The following VAV2 variants were observed in gnomAD, a reference collection of about 807,000 sequenced individuals.
VAV2 encodes the protein vav guanine nucleotide exchange factor 2, also known as guanine nucleotide exchange factor VAV2.
Under a neutral mutation model 132.5 loss-of-function variants are expected in VAV2, and 67 were observed. That is an observed-to-expected ratio of 0.51 (90% confidence interval 0.42 to 0.62). The LOEUF (loss-of-function observed/expected upper bound fraction) is 0.62, where lower values mean the gene tolerates loss of function less well. Among genes scored for constraint, VAV2 ranks in the 20% least tolerant of loss-of-function variants. VAV2 has a pLI of 0.00. For synonymous variants in VAV2, 492 were observed against 443.5 expected, an observed-to-expected ratio of 1.11 and a Z score of -1.37; for missense variants, 938 against 1,153.6, an observed-to-expected ratio of 0.81 and a Z score of 2.71.
intron 1 of VAV2, among the ~76,000 whole-genome samples, chr9:133,942,655 A>T (rs1360769965): frequency 6.6e-6 from 1 of 152,252 alleles, no homozygotes; most frequent in African/African-American, 2.4e-5. Context: ...CACAGATCCC[A>T]ACCATAATCA....
At chr9:133,871,287 G>C (rs1838027974) in intron 2 of VAV2, among the ~76,000 whole-genome samples, 1 of 150,774 alleles carries the variant, frequency 6.6e-6, no homozygotes, top group Non-Finnish European at 1.5e-5. Flanking sequence ...TGGGTGGGTG[G>C]ATGGATAAGT....
At chr9:133,796,819 G>A (rs926463219) in intron 10 of VAV2, among the ~76,000 whole-genome samples, 12 of 152,248 alleles carry the variant, frequency 7.9e-5, no homozygotes, top group Admixed American at 2.0e-4. Context: ...CTGTCTGGAT[G>A]TGGCCTTGAC....
At chr9:133,920,544 C>G (rs10993860) in intron 2 of VAV2, among the ~76,000 whole-genome samples, 25,720 of 152,168 alleles carry the variant, frequency 0.17, 5,371 homozygotes, top group African/African-American at 0.5. Flanking sequence ...ACTGAGGTCC[C>G]TGAGGCCACA....
At chr9:133,963,321 G>A (rs1456047169) in intron 1 of VAV2, among the ~76,000 whole-genome samples, 6 of 152,128 alleles carry the variant, frequency 3.9e-5, no homozygotes, top group South Asian at 2.1e-4. Context: ...CCCAGGAAAC[G>A]CCACTGACCA....
At chr9:133,990,039 A>G (rs1842968383) in intron 1 of VAV2, among the ~76,000 whole-genome samples, 2 of 152,206 alleles carry the variant, frequency 1.3e-5, no homozygotes. Flanking sequence ...TCCTCACAGC[A>G]TGGCTACGAG....
At chr9:133,880,718 T>C (rs1838456723) in intron 2 of VAV2, among the ~76,000 whole-genome samples, 1 of 152,240 alleles carries the variant, frequency 6.6e-6, no homozygotes, top group African/African-American at 2.4e-5. Context: ...AAGCACCAAC[T>C]ACTGTGAGGT....
Position 133,769,503 on chromosome 9 carries a change from G to A in VAV2, c.2348C>T (p.Ala783Val). The change falls in exon 28 of 30, where the codon GCT becomes GTT. Residue 783 changes from alanine (A) to valine (V), a missense_variant and splice_region_variant. Ala to Val is a moderately conservative substitution (Grantham distance 64). Transcript: ENST00000371850. The surrounding 1 kb of genome is among the most constrained non-coding windows in gnomAD (Gnocchi z 8.1). The stretch of plus-strand genomic sequence containing the variant: ...AGAAAAGTTGTAGGAAGCACAGGAA[G>A]CTGCAAAGAGGCGAGAGAGAACGTG... ...SASRASSRSP[A>V]SCASYNFSFL... 6.2e-7 allele frequency: 1 copy of A among 1,611,298 alleles called. No homozygotes were observed.
intron 5 of VAV2, among the ~76,000 whole-genome samples, chr9:133,811,170 C>T (rs1014586708): frequency 2.0e-5 from 3 of 152,192 alleles, no homozygotes; most frequent in Non-Finnish European, 4.4e-5. Flanking sequence ...GGGAACAAAA[C>T]TCAGTCGAGA....
At position 133,788,129 on chromosome 9, in the gene VAV2, G is replaced by C. The variant is rs1834303758; in HGVS notation, c.1407+225C>G. Among the ~76,000 whole-genome samples the C allele has an allele frequency of 6.6e-6, 1 of 152,202 alleles. No homozygotes were observed. Among genetic ancestry groups the C allele is most frequent in the African/African-American group, 2.4e-5 (1 of 41,454 alleles). ...CTGGTCTTGCCCACCTTTCTGGGGG[G>C]CGCTGGGCCCGGCGAGGAGCAGGCC... is the stretch of plus-strand genomic sequence containing the variant. On this transcript the variant is annotated intron_variant, in intron 15 of 29. Coordinates refer to ENST00000371850, the MANE Select transcript of VAV2 (RefSeq NM_001134398.2). The surrounding 1 kb of genome is among the most constrained non-coding windows in gnomAD (Gnocchi z 5.3).
intron 2 of VAV2, among the ~76,000 whole-genome samples, chr9:133,903,469 C>G (rs1334200105): frequency 6.6e-6 from 1 of 152,170 alleles, no homozygotes; most frequent in Non-Finnish European, 1.5e-5. Flanking sequence ...GGGGCTGAAA[C>G]AACAATCCCG....
chr9:133,984,078 T>C (rs1446684481), intron 1 of VAV2, among the ~76,000 whole-genome samples: 1 of 152,066 alleles, frequency 6.6e-6, no homozygotes, highest in East Asian at 1.9e-4. Context: ...TTCAAGCCAT[T>C]CTCCTGCCTC....
intron 1 of VAV2, among the ~76,000 whole-genome samples, chr9:133,976,535 ATTTAT>A (rs1842517703): frequency 6.6e-6 from 1 of 152,188 alleles, no homozygotes; most frequent in African/African-American, 2.4e-5. Flanking sequence ...GGGAGAGGCT[ATTTAT>A]TTTAATTGTG....
intron 2 of VAV2, among the ~76,000 whole-genome samples, chr9:133,892,716 T>A (rs934037499): frequency 7.9e-5 from 12 of 151,848 alleles, no homozygotes; most frequent in African/African-American, 2.4e-4. Context: ...CAGGGCAGGC[T>A]GAGCTGCAGG....
intron 1 of VAV2, among the ~76,000 whole-genome samples, chr9:133,957,690 C>A (rs1841829942): frequency 6.6e-6 from 1 of 152,038 alleles, no homozygotes; most frequent in African/African-American, 2.4e-5. Context: ...CCCACCTCAG[C>A]CGGGACACCC....
At chr9:133,906,780 G>A (rs1305321156) in intron 2 of VAV2, among the ~76,000 whole-genome samples, 1 of 152,154 alleles carries the variant, frequency 6.6e-6, no homozygotes, top group African/African-American at 2.4e-5. Context: ...GGGGCAGCGG[G>A]GTCCCTGCGG....
intron 2 of VAV2, among the ~76,000 whole-genome samples, chr9:133,905,153 G>A (rs1839594798): frequency 6.6e-6 from 1 of 152,200 alleles, no homozygotes; most frequent in Admixed American, 6.5e-5. Flanking sequence ...GCTCAGCCGG[G>A]CGCGGTGGCT....
intron 3 of VAV2, among the ~76,000 whole-genome samples, chr9:133,856,873 C>T (rs538099859): frequency 1.3e-5 from 2 of 152,284 alleles, no homozygotes; most frequent in South Asian, 4.1e-4. Flanking sequence ...TTTACATCTG[C>T]GAAAACCCTT....
At chr9:133,896,185 TG>T (rs1839195242) in intron 2 of VAV2, among the ~76,000 whole-genome samples, 1 of 152,242 alleles carries the variant, frequency 6.6e-6, no homozygotes, top group African/African-American at 2.4e-5. Flanking sequence ...TCGGGCGCAG[TG>T]GCTTACGCCT....
At chr9:133,894,257 C>A (rs1021989967) in intron 2 of VAV2, among the ~76,000 whole-genome samples, 1 of 152,260 alleles carries the variant, frequency 6.6e-6, no homozygotes, top group Non-Finnish European at 1.5e-5. Context: ...AGCCGGGGCC[C>A]GGCCTGGCCA....
Sources: allele counts gnomAD v4.1 joint callset (sites outside exome capture counted in the v4.1 genomes callset), GRCh38; gene constraint gnomAD v4.1.1; non-coding constraint Gnocchi (gnomAD v3.1); transcripts MANE v1.5; gene names NCBI Gene and HGNC (gene_info 2026-07-23, HGNC 2026-07-21).